The following ZNF644 variants were observed in gnomAD, a reference collection of about 807,000 sequenced individuals.
ZNF644 encodes zinc finger motif enhancer binding protein 2.
A neutral mutation model predicts 108.0 loss-of-function variants in ZNF644; 20 were observed. The observed-to-expected ratio is 0.19, with a 90% confidence interval of 0.13 to 0.27. The LOEUF is 0.27. ZNF644 is among the 10% of genes least tolerant of loss of function. The pLI is 1.00. For synonymous variants in ZNF644, 542 were observed against 539.1 expected, an observed-to-expected ratio of 1.01 and a Z score of -0.08; for missense variants, 1,338 against 1,548.9, an observed-to-expected ratio of 0.86 and a Z score of 2.29.
intron 2 of ZNF644, among the ~76,000 whole-genome samples, chr1:90,943,031 C>A (rs1652151304): frequency 6.6e-6 from 1 of 152,102 alleles, no homozygotes; most frequent in Non-Finnish European, 1.5e-5. Context: ...GCAACAGGAC[C>A]TTACAATCTA....
chr1:90,985,535 C>CAT (rs749462878), intron 1 of ZNF644, among the ~76,000 whole-genome samples: 88 of 152,272 alleles, frequency 5.8e-4, no homozygotes, highest in Non-Finnish European at 1.1e-3. Context: ...TTAGATTCTA[C>CAT]ATGTAAGTTA....
intron 2 of ZNF644, among the ~76,000 whole-genome samples, chr1:90,971,665 A>C (rs1022734707): frequency 6.6e-6 from 1 of 151,974 alleles, no homozygotes; most frequent in Admixed American, 6.6e-5. Flanking sequence ...TGATCCATAC[A>C]CCTCGGATCC....
rs950352291 is a variant in ZNF644 at position 90,930,561 on chromosome 1, G to A, written c.3688+6924C>T. 4.6e-5 allele frequency among the ~76,000 whole-genome samples: 7 copies of A among 152,042 alleles called. No homozygotes were observed. The East Asian group carries it at 1.3e-3, about 29-fold the overall frequency. The stretch of plus-strand genomic sequence containing the variant: ...ACCCCTAAGAGAAAGAGGCAGTTAG[G>A]GCAGTGTCTTCAATCTATGATAGTG... On this transcript the variant is annotated intron_variant, in intron 4 of 5. Coordinates refer to ENST00000337393, the MANE Select transcript of ZNF644 (RefSeq NM_201269.3).
intron 1 of ZNF644, among the ~76,000 whole-genome samples, chr1:91,001,286 A>G (rs1658759403): frequency 6.6e-6 from 1 of 152,194 alleles, no homozygotes; most frequent in Non-Finnish European, 1.5e-5. Context: ...AAAATCCTCA[A>G]TAAAATACTG....
intron 1 of ZNF644, among the ~76,000 whole-genome samples, chr1:90,982,842 G>C (rs1656699358): frequency 6.6e-6 from 1 of 151,880 alleles, no homozygotes; most frequent in South Asian, 2.1e-4. Flanking sequence ...TAATTTGTTA[G>C]AGCAACCACA....
At chr1:91,011,372 G>A (rs191892498) in intron 1 of ZNF644, among the ~76,000 whole-genome samples, 4 of 151,982 alleles carry the variant, frequency 2.6e-5, no homozygotes, top group Admixed American at 6.6e-5. Context: ...CCATTTCTGC[G>A]CAATTTACAT....
intron 1 of ZNF644, among the ~76,000 whole-genome samples, chr1:91,001,151 T>C (rs866745075): frequency 4.6e-5 from 7 of 152,216 alleles, no homozygotes; most frequent in Non-Finnish European, 7.4e-5. Context: ...TTCCAATCAA[T>C]AGGAAAAGAG....
chr1:90,967,396 G>A (rs906653758), intron 2 of ZNF644, among the ~76,000 whole-genome samples: 1 of 152,102 alleles, frequency 6.6e-6, no homozygotes, highest in Non-Finnish European at 1.5e-5. Context: ...GTTCCTTTCA[G>A]AACTCTTTCA....
chr1:91,007,297 G>A (rs1251935813), intron 1 of ZNF644, among the ~76,000 whole-genome samples: 1 of 120,184 alleles, frequency 8.3e-6, no homozygotes, highest in Non-Finnish European at 1.6e-5. Context: ...GCACAGTAGC[G>A]CCACCTCGGC....
chr1:90,946,564 A>G (rs1433535299), intron 2 of ZNF644, among the ~76,000 whole-genome samples: 1 of 152,152 alleles, frequency 6.6e-6, no homozygotes, highest in African/African-American at 2.4e-5. Context: ...CTGAGCCTTA[A>G]AAGTATTCTT....
intron 1 of ZNF644, among the ~76,000 whole-genome samples, chr1:91,001,226 C>T (rs1176318321): frequency 1.3e-5 from 2 of 151,498 alleles, no homozygotes; most frequent in Non-Finnish European, 3.0e-5. Context: ...GGCAGAGACA[C>T]AACAAAAAAA....
At chr1:90,929,589 A>G (rs981393846) in intron 4 of ZNF644, among the ~76,000 whole-genome samples, 1 of 152,248 alleles carries the variant, frequency 6.6e-6, no homozygotes, top group African/African-American at 2.4e-5. Context: ...AGTGACACTC[A>G]TGAATGAACA....
At chr1:91,016,354 A>G (rs1660432989) in intron 1 of ZNF644, among the ~76,000 whole-genome samples, 1 of 152,232 alleles carries the variant, frequency 6.6e-6, no homozygotes, top group Non-Finnish European at 1.5e-5. Flanking sequence ...CAAACATCAC[A>G]AAGTGTACTC....
At chr1:90,962,556 G>A (rs13374322) in intron 2 of ZNF644, among the ~76,000 whole-genome samples, 1,927 of 152,136 alleles carry the variant, frequency 0.013, 38 homozygotes, top group African/African-American at 0.044. Context: ...ATAATAGTAA[G>A]TTCTAGGTAG....
intron 2 of ZNF644, among the ~76,000 whole-genome samples, chr1:90,963,054 A>G (rs1189144852): frequency 6.6e-6 from 1 of 152,160 alleles, no homozygotes; most frequent in East Asian, 1.9e-4. Flanking sequence ...TGTAACTAAC[A>G]AAGAGTCTGT....
intron 4 of ZNF644, among the ~76,000 whole-genome samples, chr1:90,930,788 T>C (rs981721324): frequency 3.9e-5 from 6 of 152,232 alleles, no homozygotes; most frequent in East Asian, 1.9e-4. Context: ...GCTACCATCA[T>C]TGTTTCTTCT....
intron 1 of ZNF644, among the ~76,000 whole-genome samples, chr1:91,014,373 T>G (rs1410893697): frequency 6.6e-6 from 1 of 152,170 alleles, no homozygotes; most frequent in Admixed American, 6.5e-5. Flanking sequence ...AGTAATTAAG[T>G]GCCATTTAAT....
In ZNF644 at chr1:90,918,074, C is replaced by T. The variant is rs1380415912; in HGVS notation, c.3769G>A (p.Glu1257Lys). ...KMLTLPHGAD[E>K]VYILRCRFCG... ...TACCTGCATCGGAGAATGTAAACCT[C>T]GTCAGCACCATGAGGTAATGTTAGC... The change falls in exon 5 of 6, where the codon GAG becomes AAG. Residue 1257 changes from glutamate to lysine, a missense_variant. This residue lies in a region of ZNF644 where 287 missense variants were observed against 310.9 expected (regional missense o/e 0.92). Coordinates refer to ENST00000337393, the MANE Select transcript of ZNF644 (RefSeq NM_201269.3). 3.1e-6 allele frequency: 5 copies of T among 1,613,930 alleles called. No individual in the cohort carries two copies. The highest frequency in any genetic ancestry group is 1.1e-5 in the South Asian group (1 of 91,086).
intron 4 of ZNF644, among the ~76,000 whole-genome samples, chr1:90,921,739 CAAA>C (rs1174769263): frequency 7.9e-6 from 1 of 126,912 alleles, no homozygotes. Flanking sequence ...AGGTCAAATG[CAAA>C]AAAAAAAAAT....
Sources: gnomAD v4.1 joint callset for allele counts (sites outside exome capture counted in the v4.1 genomes callset) on GRCh38, gnomAD v4.1.1 for gene constraint, gnomAD v4.1.1 regional missense constraint, MANE v1.5 for transcripts, NCBI Gene and HGNC (gene_info 2026-07-23, HGNC 2026-07-21) for gene names.